Variants in DHX15 observed in about 807,000 individuals in gnomAD.
DHX15 encodes the protein ATP-dependent RNA helicase DHX15.
Under a neutral mutation model 94.4 loss-of-function variants are expected in DHX15, and 11 were observed. That is an observed-to-expected ratio of 0.12 (90% CI 0.07 to 0.19). The LOEUF is 0.19. Ranked by LOEUF, DHX15 falls within the 10% of genes least tolerant of loss-of-function variation. DHX15 has a pLI of 1.00. For missense variants in DHX15, 304 were observed against 988.5 expected, an observed-to-expected ratio of 0.31 and a Z score of 9.29; for synonymous variants, 338 against 329.9, an observed-to-expected ratio of 1.02 and a Z score of -0.27.
At chr4:24,567,828 C>T (rs961464176) in intron 3 of DHX15, among the ~76,000 whole-genome samples, 1 of 152,094 alleles carries the variant, frequency 6.6e-6, no homozygotes, top group African/African-American at 2.4e-5. Flanking sequence ...AAAAAGAATG[C>T]TTCAGAAGAA....
chr4:24,563,523 A>G (rs1474939652), intron 3 of DHX15: 1 of 152,232 alleles, frequency 6.6e-6, no homozygotes, highest in Non-Finnish European at 1.5e-5. Context: ...TTTTGGGTAT[A>G]AACAGATCAC....
intron 8 of DHX15, 27 bp from the exon 9 acceptor site, chr4:24,540,975 G>T: frequency 7.0e-7 from 1 of 1,432,896 alleles, no homozygotes; most frequent in African/African-American, 1.4e-5. Context: ...ACATTTATTG[G>T]TTATGTTAAA....
chr4:24,541,290 T>C (rs1296082962), intron 8 of DHX15, among the ~76,000 whole-genome samples: 6 of 152,168 alleles, frequency 3.9e-5, no homozygotes, highest in Non-Finnish European at 8.8e-5. Context: ...CAAGTTTAAA[T>C]TGTGCACCAT....
At chr4:24,576,130 T>G in intron 2 of DHX15, 113 bp downstream of exon 2, 1 of 792,806 alleles carries the variant, frequency 1.3e-6, no homozygotes, top group Non-Finnish European at 2.0e-6. Context: ...AATCAGCTAT[T>G]CTTCAAGATG....
chr4:24,553,692 G>A (rs534348045), intron 5 of DHX15, among the ~76,000 whole-genome samples: 12 of 150,426 alleles, frequency 8.0e-5, no homozygotes, highest in Admixed American at 4.0e-4. Flanking sequence ...CAAGAGAATC[G>A]CTTGAACCCG....
intron 12 of DHX15, 65 bp from the exon 13 acceptor site, chr4:24,529,835 AC>A: frequency 1.3e-6 from 2 of 1,511,780 alleles, no homozygotes; most frequent in Non-Finnish European, 1.8e-6. Context: ...AAAGCTACCT[AC>A]ATAATTAGGA....
chr4:24,575,296 G>A (rs1261020007), intron 2 of DHX15, among the ~76,000 whole-genome samples: 1 of 152,138 alleles, frequency 6.6e-6, no homozygotes, highest in Non-Finnish European at 1.5e-5. Flanking sequence ...TGTGTATGCG[G>A]TATGTTCAAT....
At chr4:24,566,753 C>A (rs578094554) in intron 3 of DHX15, among the ~76,000 whole-genome samples, 1 of 152,048 alleles carries the variant, frequency 6.6e-6, no homozygotes, top group African/African-American at 2.4e-5. Flanking sequence ...TTGAACCCGG[C>A]GGGTGGAGGT....
In DHX15 at chr4:24,576,444, A is replaced by T; in HGVS notation, c.306T>A (p.His102Gln). The T allele has an allele frequency of 1.2e-6, 2 of 1,614,238 alleles. No individual in the cohort carries two copies. The highest frequency in any genetic ancestry group is 1.7e-6 in the Non-Finnish European group (2 of 1,180,038). The change falls in exon 2 of 14, where the codon CAT (histidine) becomes CAA (glutamine). Residue 102 changes from histidine (H) to glutamine (Q), a missense_variant. His to Gln is a conservative substitution (Grantham distance 24). This residue lies in a region of DHX15 where 143 missense variants were observed against 200.5 expected (regional missense o/e 0.71). Transcript: ENST00000336812. ...GTGACGTGTGACCTGCATGTCCGGC[A>T]TGCGTTGAATGAGCAGAATGTGTTG... is the stretch of plus-strand genomic sequence containing the variant. ...THSTHSAHST[H>Q]AGHAGHTSLP...
At chr4:24,542,918 A>G in intron 7 of DHX15, 22 bp downstream of exon 7, 1 of 1,567,244 alleles carries the variant, frequency 6.4e-7, no homozygotes. Flanking sequence ...TCTAATTTAT[A>G]AAGTATCCAC....
intron 6 of DHX15, among the ~76,000 whole-genome samples, chr4:24,547,788 TAA>T (rs768863797): frequency 4.4e-5 from 6 of 136,906 alleles, no homozygotes; most frequent in Admixed American, 7.3e-5. Flanking sequence ...CCATGTTGTT[TAA>T]AAAAAAAAAA....
intron 9 of DHX15, 84 bp from the exon 10 acceptor site, chr4:24,540,383 A>G: frequency 8.5e-7 from 1 of 1,177,310 alleles, no homozygotes; most frequent in East Asian, 2.5e-5. Context: ...AAGCAATCTC[A>G]TTTTTCATTT....
chr4:24,535,348 T>C (rs951992342), intron 11 of DHX15, among the ~76,000 whole-genome samples: 2 of 152,216 alleles, frequency 1.3e-5, no homozygotes, highest in Non-Finnish European at 2.9e-5. Flanking sequence ...ACTTACTACA[T>C]CCCCTCTGAC....
intron 6 of DHX15, 107 bp from the exon 7 acceptor site, chr4:24,543,133 C>G (rs1560763678): frequency 1.9e-5 from 13 of 685,092 alleles, no homozygotes; most frequent in East Asian, 1.5e-4. Context: ...TTCAAGCCAG[C>G]AAATAAACTA....
chr4:24,561,784 A>G (rs988910055), intron 3 of DHX15, among the ~76,000 whole-genome samples: 2 of 152,114 alleles, frequency 1.3e-5, no homozygotes, highest in African/African-American at 4.8e-5. Flanking sequence ...CAGAGGATGG[A>G]GGGTGGGAAG....
chr4:24,578,338 A>G (rs2109012573), intron 1 of DHX15, among the ~76,000 whole-genome samples: 1 of 152,320 alleles, frequency 6.6e-6, no homozygotes, highest in East Asian at 1.9e-4. Flanking sequence ...TTGCTCCAAA[A>G]TGCCAACGAG....
At chr4:24,579,732 G>C (rs1722363449) in intron 1 of DHX15, among the ~76,000 whole-genome samples, 1 of 152,144 alleles carries the variant, frequency 6.6e-6, no homozygotes, top group Non-Finnish European at 1.5e-5. Flanking sequence ...GTGTTGTCTG[G>C]CACATTGCAA....
rs1442810138 is a variant in DHX15, at chr4:24,544,955, A to G, written c.1249-1929T>C. Among the ~76,000 whole-genome samples, 4 of 151,882 alleles carry G rather than the reference A, an allele frequency of 2.6e-5. No individual in the cohort carries two copies. In the South Asian group the frequency reaches 6.2e-4, roughly 24 times the overall value. On this transcript the variant is annotated intron_variant, in intron 6 of 13. Transcript: ENST00000336812. Reference sequence around the variant, plus strand: ...AAAACCCCACCTCTACAAAAAAATAAAAGAAATTAGCCAGGCATGGTGGCA... The same window carrying G: ...AAAACCCCACCTCTACAAAAAAATAGAAGAAATTAGCCAGGCATGGTGGCA...
chr4:24,547,928 T>TATATCG (rs1721477667), intron 6 of DHX15, among the ~76,000 whole-genome samples: 1 of 55,268 alleles, frequency 1.8e-5, no homozygotes, highest in Non-Finnish European at 3.3e-5. Flanking sequence ...TATATATATA[T>TATATCG]ATATATATAT....
Sources: gnomAD v4.1 joint callset for allele counts (sites outside exome capture counted in the v4.1 genomes callset) on GRCh38, gnomAD v4.1.1 for gene constraint, gnomAD v4.1.1 regional missense constraint, MANE v1.5 for transcripts, NCBI Gene and HGNC (gene_info 2026-07-23, HGNC 2026-07-21) for gene names.